Variants in ROBO2 observed in about 807,000 individuals in gnomAD.
The protein encoded by ROBO2 is roundabout homolog 2.
ROBO2 carries 53 observed loss-of-function variants against 160.8 expected under a neutral mutation model. That is an observed-to-expected ratio of 0.33 (90% confidence interval 0.26 to 0.41). The LOEUF (loss-of-function observed/expected upper bound fraction) is 0.41. ROBO2 is among the 10% of genes least tolerant of loss of function. The pLI, the probability that ROBO2 is intolerant of heterozygous loss-of-function variation, is 1.00. For synonymous variants in ROBO2, 664 were observed against 611.7 expected, an observed-to-expected ratio of 1.09 and a Z score of -1.26; for missense variants, 1,577 against 1,722.4, an observed-to-expected ratio of 0.92 and a Z score of 1.49.
chr3:77,121,197 G>A (rs868501829), intron 2 of ROBO2, among the ~76,000 whole-genome samples: 2 of 151,642 alleles, frequency 1.3e-5, no homozygotes, highest in East Asian at 1.9e-4. Context: ...CACCTGCTTC[G>A]GCCTCCCAAA....
At chr3:76,105,574 G>A (rs1242868663) in intron 2 of ROBO2, among the ~76,000 whole-genome samples, 1 of 152,100 alleles carries the variant, frequency 6.6e-6, no homozygotes, top group Non-Finnish European at 1.5e-5. Flanking sequence ...CCAATGGAAA[G>A]GTTGACTAAG....
chr3:77,255,663 G>A (rs2058359369), intron 2 of ROBO2, among the ~76,000 whole-genome samples: 1 of 152,204 alleles, frequency 6.6e-6, no homozygotes, highest in South Asian at 2.1e-4. Flanking sequence ...CTATTATACA[G>A]ACATCACAAG....
chr3:76,234,897 G>A (rs1045448820), intron 2 of ROBO2, among the ~76,000 whole-genome samples: 1 of 152,060 alleles, frequency 6.6e-6, no homozygotes, highest in Non-Finnish European at 1.5e-5. Flanking sequence ...ACAGATGAAG[G>A]GTTATTTTCC....
chr3:76,155,838 C>G lies in ROBO2; in HGVS notation c.109+218236C>G, dbSNP rs115951719. On this transcript the variant is annotated intron_variant, in intron 2 of 26. Coordinates refer to the ROBO2 transcript ENST00000487694. ...ACAAAGATGCATGTAAATGGTATTA[C>G]TGTCACTTAAATGTATCGCAAGGCA... Among the ~76,000 whole-genome samples, 3 of 152,270 alleles carry G rather than the reference C, an allele frequency of 2.0e-5. No homozygotes were observed. The East Asian group carries it at 5.8e-4, about 29-fold the overall frequency.
intron 2 of ROBO2, among the ~76,000 whole-genome samples, chr3:76,135,375 G>A (rs2071392171): frequency 1.3e-5 from 2 of 152,108 alleles, no homozygotes; most frequent in African/African-American, 4.8e-5. Context: ...AGGCCACTAT[G>A]CAATGCCCTC....
intron 2 of ROBO2, among the ~76,000 whole-genome samples, chr3:77,464,395 A>T (rs2082552319): frequency 6.6e-6 from 1 of 152,036 alleles, no homozygotes; most frequent in Admixed American, 6.6e-5. Flanking sequence ...TAGAGAACAA[A>T]CTGTGTTTAG....
At chr3:75,964,863 G>A (rs1949047854) in intron 2 of ROBO2, 1 of 151,622 alleles carries the variant, frequency 6.6e-6, no homozygotes, top group Non-Finnish European at 1.5e-5. Context: ...CACCATTTAT[G>A]CATGAATTTT....
At chr3:76,727,399 A>G (rs2093569077) in intron 2 of ROBO2, among the ~76,000 whole-genome samples, 1 of 152,184 alleles carries the variant, frequency 6.6e-6, no homozygotes, top group Admixed American at 6.5e-5. Context: ...TTGCTGCCCT[A>G]AATTCATTTT....
intron 2 of ROBO2, among the ~76,000 whole-genome samples, chr3:76,367,427 C>T (rs2075876285): frequency 6.6e-6 from 1 of 151,884 alleles, no homozygotes; most frequent in African/African-American, 2.4e-5. Context: ...TTCATGTCAG[C>T]AGCAGGATGA....
At chr3:76,973,407 A>G (rs558287273) in intron 2 of ROBO2, among the ~76,000 whole-genome samples, 1 of 152,098 alleles carries the variant, frequency 6.6e-6, no homozygotes, top group Non-Finnish European at 1.5e-5. Context: ...AAATGCTTTG[A>G]TAAAGGAAAT....
intron 2 of ROBO2, among the ~76,000 whole-genome samples, chr3:76,683,050 C>A (rs963594206): frequency 3.6e-4 from 55 of 152,156 alleles, no homozygotes; most frequent in Non-Finnish European, 2.6e-4. Context: ...TTACAGAACC[C>A]CTACATCGTC....
At chr3:77,420,914 G>A (rs1188745281) in intron 2 of ROBO2, among the ~76,000 whole-genome samples, 1 of 152,114 alleles carries the variant, frequency 6.6e-6, no homozygotes, top group Admixed American at 6.5e-5. Flanking sequence ...ATTTTAGTAT[G>A]TGATTATATG....
chr3:76,551,543 T>C (rs2083423582), intron 2 of ROBO2, among the ~76,000 whole-genome samples: 1 of 151,920 alleles, frequency 6.6e-6, no homozygotes, highest in Non-Finnish European at 1.5e-5. Context: ...CCCACCCTAC[T>C]CACCACATTG....
intron 2 of ROBO2, among the ~76,000 whole-genome samples, chr3:77,153,850 T>TA (rs1341925201): frequency 1.3e-5 from 2 of 152,246 alleles, no homozygotes; most frequent in East Asian, 3.9e-4. Context: ...AATCGGGTTA[T>TA]AGCCCTTTAA....
chr3:77,004,515 G>A (rs1009197469), intron 2 of ROBO2, among the ~76,000 whole-genome samples: 7 of 152,118 alleles, frequency 4.6e-5, no homozygotes, highest in African/African-American at 1.7e-4. Flanking sequence ...CTTGCCTGAA[G>A]CTATACAATG....
At chr3:76,316,967 G>T (rs2107834395) in intron 2 of ROBO2, among the ~76,000 whole-genome samples, 1 of 152,276 alleles carries the variant, frequency 6.6e-6, no homozygotes, top group Non-Finnish European at 1.5e-5. Context: ...CACTACACTA[G>T]TTCTAACTTC....
chr3:76,528,672 G>A (rs922474795), intron 2 of ROBO2, among the ~76,000 whole-genome samples: 3 of 151,924 alleles, frequency 2.0e-5, no homozygotes, highest in African/African-American at 4.8e-5. Context: ...CAAGAGACAG[G>A]TTAGGCTGCA....
intron 2 of ROBO2, among the ~76,000 whole-genome samples, chr3:76,401,217 ACTTTAT>A (rs1379912117): frequency 6.6e-6 from 1 of 151,516 alleles, no homozygotes; most frequent in Non-Finnish European, 1.5e-5. Context: ...AAAAAATGTA[ACTTTAT>A]CTTGTAAATT....
At chr3:76,707,551 G>C (rs2093191995) in intron 2 of ROBO2, among the ~76,000 whole-genome samples, 2 of 151,574 alleles carry the variant, frequency 1.3e-5, no homozygotes, top group Admixed American at 1.3e-4. Context: ...AGTTCCCAAG[G>C]CTGGTGACTC....
Sources: gnomAD v4.1 joint callset for allele counts (sites outside exome capture counted in the v4.1 genomes callset) on GRCh38, gnomAD v4.1.1 for gene constraint, MANE v1.5 for transcripts, NCBI Gene and HGNC (gene_info 2026-07-23, HGNC 2026-07-21) for gene names.